Variants in BCL2 observed in about 807,000 individuals in gnomAD.
BCL2 encodes the protein apoptosis regulator Bcl-2.
In BCL2, 1 loss-of-function variant was observed where a neutral mutation model predicts 14.2. That is an observed-to-expected ratio of 0.07 (90% CI 0.02 to 0.33). The LOEUF is 0.33. Ranked by LOEUF, BCL2 falls within the 10% of genes least tolerant of loss-of-function variation. The probability of loss-of-function intolerance (pLI) is 0.99; values close to 1 mark genes in which losing one functional copy is unlikely to be tolerated. For synonymous variants in BCL2, 151 were observed against 137.2 expected (o/e 1.10, Z -0.70); for missense variants, 247 against 305.9 (o/e 0.81, Z 1.44).
chr18:63,179,782 G>A (rs1365151068), intron 2 of BCL2, among the ~76,000 whole-genome samples: 3 of 152,144 alleles, frequency 2.0e-5, no homozygotes, highest in Non-Finnish European at 4.4e-5. Context: ...GATGATAATA[G>A]TACCTAACTC....
At chr18:63,299,221 T>C (rs1912886949) in intron 2 of BCL2, among the ~76,000 whole-genome samples, 1 of 152,278 alleles carries the variant, frequency 6.6e-6, no homozygotes, top group South Asian at 2.1e-4. Context: ...TTGTACTGCT[T>C]GTCATGTGTA....
rs1220640841 is a variant in BCL2 at position 63,248,809 on chromosome 18, A to T, written c.585+69273T>A. Among the ~76,000 whole-genome samples the T allele has an allele frequency of 1.3e-5, 2 of 152,146 alleles. 1 individual carries two copies. The highest frequency in any genetic ancestry group is 3.8e-4 in the East Asian group (2 of 5,204). ...TTGTTGCAGAGGTGGGATCTTATCC[A>T]TTTCCGCCCTCCACAGGATCTTGCG... is the stretch of plus-strand genomic sequence containing the variant. On this transcript the variant is annotated intron_variant, in intron 2 of 2. Transcript: ENST00000333681.
rs530639814 is a variant in BCL2 at position 63,197,239 on chromosome 18, G to C, written c.586-68480C>G. ...AGTCCAACCCGGCTAAGCGCCCCCTGCCACTTCCTAGCTGTGTGACCACTG... is the reference window on the plus strand; with the variant it reads ...AGTCCAACCCGGCTAAGCGCCCCCTCCCACTTCCTAGCTGTGTGACCACTG... On this transcript the variant is annotated intron_variant, in intron 2 of 2. Transcript: ENST00000333681. Among the ~76,000 whole-genome samples, 5 of 152,308 alleles carry C rather than the reference G, an allele frequency of 3.3e-5. No individual in the cohort carries two copies. In the East Asian group the frequency reaches 9.6e-4, roughly 29 times the overall value.
At chr18:63,218,673 TC>T (rs372724559) in intron 2 of BCL2, among the ~76,000 whole-genome samples, 19 of 94 alleles carry the variant, frequency 0.2, no homozygotes, top group Non-Finnish European at 0.25. Flanking sequence ...CCTCCAGTCA[TC>T]CCCATCCTCC....
intron 2 of BCL2, among the ~76,000 whole-genome samples, chr18:63,280,265 G>T (rs2144253234): frequency 6.6e-6 from 1 of 152,254 alleles, no homozygotes; most frequent in Non-Finnish European, 1.5e-5. Context: ...GACCTTGAAT[G>T]AGTTATTTAA....
At chr18:63,298,723 T>C (rs1404057371) in intron 2 of BCL2, among the ~76,000 whole-genome samples, 1 of 152,238 alleles carries the variant, frequency 6.6e-6, no homozygotes, top group Non-Finnish European at 1.5e-5. Context: ...ACAAAACTAG[T>C]TTCTTATGCC....
intron 2 of BCL2, among the ~76,000 whole-genome samples, chr18:63,153,515 T>A (rs1314696418): frequency 6.6e-6 from 1 of 152,244 alleles, no homozygotes; most frequent in Admixed American, 6.5e-5. Context: ...GAGTCCGTAA[T>A]TTTTAATTTT....
At chr18:63,168,859 C>A (rs1240416981) in intron 2 of BCL2, among the ~76,000 whole-genome samples, 2 of 152,220 alleles carry the variant, frequency 1.3e-5, no homozygotes, top group Admixed American at 1.3e-4. Context: ...AAACATTGCA[C>A]TTTCCCTATT....
At chr18:63,170,334 T>C (rs1410178479) in intron 2 of BCL2, among the ~76,000 whole-genome samples, 1 of 152,164 alleles carries the variant, frequency 6.6e-6, no homozygotes, top group Non-Finnish European at 1.5e-5. Flanking sequence ...GGGTTTTCAA[T>C]GGGCTACAAT....
chr18:63,310,228 G>A (rs549375955), intron 2 of BCL2, among the ~76,000 whole-genome samples: 41 of 152,286 alleles, frequency 2.7e-4, no homozygotes, highest in African/African-American at 8.7e-4. Context: ...GATAGGGAGG[G>A]CTGTCTATAC....
At chr18:63,163,412 G>A (rs960838695) in intron 2 of BCL2, among the ~76,000 whole-genome samples, 8 of 152,026 alleles carry the variant, frequency 5.3e-5, no homozygotes, top group Admixed American at 3.9e-4. Flanking sequence ...CTTTTGGGAG[G>A]GGTATCACAT....
At chr18:63,203,379 A>G (rs1909754038) in intron 2 of BCL2, among the ~76,000 whole-genome samples, 1 of 152,222 alleles carries the variant, frequency 6.6e-6, no homozygotes, top group Admixed American at 6.5e-5. Flanking sequence ...AGAAAACTTC[A>G]GGGAGGTTCC....
At chr18:63,284,112 G>A (rs1203966401) in intron 2 of BCL2, among the ~76,000 whole-genome samples, 1 of 152,102 alleles carries the variant, frequency 6.6e-6, no homozygotes, top group Non-Finnish European at 1.5e-5. Flanking sequence ...CTTGGCCTGG[G>A]GGCACTTCTG....
At chr18:63,168,233 G>A (rs1348660147) in intron 2 of BCL2, among the ~76,000 whole-genome samples, 2 of 152,052 alleles carry the variant, frequency 1.3e-5, no homozygotes, top group Non-Finnish European at 2.9e-5. Flanking sequence ...TGACAAAGGA[G>A]GTTTAGAATT....
chr18:63,204,641 T>C (rs1909783911), intron 2 of BCL2, among the ~76,000 whole-genome samples: 1 of 152,222 alleles, frequency 6.6e-6, no homozygotes, highest in Non-Finnish European at 1.5e-5. Flanking sequence ...AAAAGGGTTG[T>C]TGTTTTAAAC....
chr18:63,219,451 CTT>C lies in BCL2; in HGVS notation c.586-90694_586-90693del, dbSNP rs11289698. ...ACACCATGTATCAACCACAGCAGAA[CTT>C]TTTTTTTTTTTTTTTTTTTTTGAGA... On this transcript the variant is annotated intron_variant, in intron 2 of 2. Transcript: ENST00000333681. Among the ~76,000 whole-genome samples, 299 of 109,740 alleles carry C rather than the reference CTT, an allele frequency of 2.7e-3. 1 individual carries two copies. The highest frequency in any genetic ancestry group is 7.9e-3 in the African/African-American group (225 of 28,516). The allele number at this position is 109,740 out of a possible 152,430, so 72.0% of individuals were successfully genotyped here.
rs549204924 is a variant in BCL2 at position 63,194,854 on chromosome 18, A to G, written c.586-66095T>C. On this transcript the variant is annotated intron_variant, in intron 2 of 2. Coordinates refer to ENST00000333681, the MANE Select transcript of BCL2 (RefSeq NM_000633.3). Reference sequence around the variant, plus strand: ...AGTGATACCCAGGAGAGCAGGAACCATGGCGTATAAGGCTTGCCTTGGACT... The same window carrying G: ...AGTGATACCCAGGAGAGCAGGAACCGTGGCGTATAAGGCTTGCCTTGGACT... Among the ~76,000 whole-genome samples, 52 of 152,326 alleles carry G rather than the reference A, an allele frequency of 3.4e-4. 1 individual carries two copies. The highest frequency in any genetic ancestry group is 1.2e-3 in the African/African-American group (48 of 41,580).
At chr18:63,191,426 C>CT (rs1909289255) in intron 2 of BCL2, among the ~76,000 whole-genome samples, 2 of 152,304 alleles carry the variant, frequency 1.3e-5, no homozygotes, top group Admixed American at 6.5e-5. Flanking sequence ...ACTTGGTCTT[C>CT]TAAGGACAGA....
intron 2 of BCL2, among the ~76,000 whole-genome samples, chr18:63,212,343 C>G (rs911541489): frequency 4.7e-5 from 7 of 149,824 alleles, no homozygotes; most frequent in African/African-American, 1.7e-4. Flanking sequence ...AACAAACAAA[C>G]AACAACAACA....
Sources: gnomAD v4.1 joint callset for allele counts (sites outside exome capture counted in the v4.1 genomes callset) on GRCh38, gnomAD v4.1.1 for gene constraint, MANE v1.5 for transcripts, NCBI Gene and HGNC (gene_info 2026-07-23, HGNC 2026-07-21) for gene names.